CPSF3: variants seen among roughly 807,000 people sequenced by gnomAD.
The protein encoded by CPSF3 is cleavage and polyadenylation specific factor 3.
A neutral mutation model predicts 84.1 loss-of-function variants in CPSF3; 57 were observed. That is an observed-to-expected ratio of 0.68 (90% CI 0.55 to 0.85). CPSF3 has a LOEUF of 0.85. CPSF3 is among the 40% of genes least tolerant of loss of function. CPSF3 has a pLI of 0.00. For missense variants in CPSF3, 522 were observed against 838.8 expected (o/e 0.62, Z 4.66); for synonymous variants, 275 against 278.1 (o/e 0.99, Z 0.11).
chr2:9,452,089 G>A (rs867621871), intron 11 of CPSF3, among the ~76,000 whole-genome samples: 26 of 152,250 alleles, frequency 1.7e-4, no homozygotes, highest in Middle Eastern at 3.4e-3. Context: ...AACACTTTGG[G>A]AGGCCGAGGT....
At chr2:9,463,413 T>C (rs999473973) in intron 15 of CPSF3, among the ~76,000 whole-genome samples, 1 of 152,206 alleles carries the variant, frequency 6.6e-6, no homozygotes, top group Non-Finnish European at 1.5e-5. Context: ...CGCAAAGTGC[T>C]GGATTCTGGA....
At chr2:9,439,096 G>C (rs1680880182) in intron 7 of CPSF3, among the ~76,000 whole-genome samples, 1 of 152,142 alleles carries the variant, frequency 6.6e-6, no homozygotes, top group Non-Finnish European at 1.5e-5. Context: ...GGATAAACTA[G>C]AAGACAAAGC....
chr2:9,431,149 T>C (rs536805547), intron 4 of CPSF3, among the ~76,000 whole-genome samples: 7 of 152,198 alleles, frequency 4.6e-5, no homozygotes, highest in Non-Finnish European at 1.0e-4. Flanking sequence ...CTCAGCCACC[T>C]GGGCTCAAGC....
At chr2:9,431,966 G>A (rs1448304347) in intron 4 of CPSF3, among the ~76,000 whole-genome samples, 2 of 152,172 alleles carry the variant, frequency 1.3e-5, no homozygotes, top group Non-Finnish European at 2.9e-5. Flanking sequence ...GCCTAAAATC[G>A]TCACAGTAAG....
intron 11 of CPSF3, among the ~76,000 whole-genome samples, chr2:9,449,695 T>C (rs1681250711): frequency 6.6e-6 from 1 of 152,294 alleles, no homozygotes; most frequent in East Asian, 1.9e-4. Context: ...TGAGCCATTG[T>C]CCTGTCACGG....
chr2:9,436,205 A>C lies in CPSF3; in HGVS notation c.610-6A>C. The C allele has an allele frequency of 6.3e-7, 1 of 1,586,266 alleles. No homozygotes were observed. Among genetic ancestry groups the C allele is most frequent in the Non-Finnish European group, 8.6e-7 (1 of 1,167,892 alleles). The stretch of plus-strand genomic sequence containing the variant: ...CTTAGTCTCACACTTCTAATGTATT[A>C]TTTAGGAATCTACTTATGGGACCCA... On this transcript the variant is annotated splice_region_variant and splice_polypyrimidine_tract_variant and intron_variant, in intron 6 of 17. Coordinates refer to ENST00000238112, the MANE Select transcript of CPSF3 (RefSeq NM_016207.4).
intron 8 of CPSF3, 65 bp from the exon 9 acceptor site, chr2:9,441,753 A>G: frequency 6.7e-7 from 1 of 1,497,598 alleles, no homozygotes. Flanking sequence ...ATTCTTTAAA[A>G]AGAAAGAATG....
At chr2:9,469,050 G>C (rs1682072283) in intron 16 of CPSF3, among the ~76,000 whole-genome samples, 1 of 152,138 alleles carries the variant, frequency 6.6e-6, no homozygotes, top group Non-Finnish European at 1.5e-5. Flanking sequence ...ATTTTAAAGA[G>C]CATTCCTCAT....
chr2:9,456,599 T>C (rs938043273), intron 13 of CPSF3, among the ~76,000 whole-genome samples: 1 of 152,206 alleles, frequency 6.6e-6, no homozygotes, highest in Non-Finnish European at 1.5e-5. Flanking sequence ...TGAAACTAGC[T>C]GGCAACAATT....
intron 16 of CPSF3, among the ~76,000 whole-genome samples, chr2:9,470,868 C>G (rs1682139864): frequency 6.6e-6 from 1 of 152,210 alleles, no homozygotes; most frequent in Non-Finnish European, 1.5e-5. Flanking sequence ...TGTATTTTCC[C>G]TGTTTTATAA....
intron 12 of CPSF3, among the ~76,000 whole-genome samples, chr2:9,453,943 T>C (rs7604174): frequency 0.55 from 83,236 of 152,044 alleles, 23,772 homozygotes; most frequent in Middle Eastern, 0.68. Flanking sequence ...AGTTTGTAAA[T>C]TGCTTTTTTC....
chr2:9,445,723 C>T (rs61332043), intron 10 of CPSF3, among the ~76,000 whole-genome samples: 23,822 of 152,208 alleles, frequency 0.16, 2,118 homozygotes, highest in Middle Eastern at 0.28. Flanking sequence ...CCACCTCATC[C>T]TCAGCCCCAT....
chr2:9,473,051 T>G lies in CPSF3; in HGVS notation c.*34T>G, dbSNP rs749663206. On this transcript the variant is annotated 3_prime_UTR_variant, in exon 18 of 18. Coordinates refer to ENST00000238112, the MANE Select transcript of CPSF3 (RefSeq NM_016207.4). ...CTGTATATGAACTTTGAAAAAATACTTGACTCTACTTTTGTTACCTAAAAT... is the reference window on the plus strand; with the variant it reads ...CTGTATATGAACTTTGAAAAAATACGTGACTCTACTTTTGTTACCTAAAAT... The G allele has an allele frequency of 1.4e-6, 2 of 1,455,716 alleles. No individual in the cohort carries two copies. The highest frequency in any genetic ancestry group is 1.9e-6 in the Non-Finnish European group (2 of 1,043,330). The allele number at this position is 1,455,716 out of a possible 1,614,324, so 90.2% of individuals were successfully genotyped here. A position where few individuals can be genotyped will look rare whatever the true frequency, so the allele number is the denominator to read the frequency against.
At chr2:9,450,166 T>G (rs1681268377) in intron 11 of CPSF3, among the ~76,000 whole-genome samples, 1 of 150,510 alleles carries the variant, frequency 6.6e-6, no homozygotes, top group Non-Finnish European at 1.5e-5. Context: ...TTTTTTTTTT[T>G]TTTTAGAAGG....
chr2:9,466,406 GCGCACACACGCACA>G (rs1681980940), intron 15 of CPSF3, among the ~76,000 whole-genome samples: 1 of 141,770 alleles, frequency 7.1e-6, no homozygotes, highest in Non-Finnish European at 1.5e-5. Flanking sequence ...ACACACGCAC[GCGCACACACGCACA>G]CGCGCACACA....
intron 6 of CPSF3, 149 bp from the exon 7 acceptor site, chr2:9,436,062 C>A: frequency 1.6e-6 from 1 of 637,222 alleles, no homozygotes. Context: ...TTGCTCTTCC[C>A]AATTACTATT....
chr2:9,431,887 G>A (rs1212891077), intron 4 of CPSF3, among the ~76,000 whole-genome samples: 1 of 152,068 alleles, frequency 6.6e-6, no homozygotes, highest in Non-Finnish European at 1.5e-5. Context: ...ACCAACTCAT[G>A]ATGTAGGTTC....
intron 3 of CPSF3, 138 bp from the exon 4 acceptor site, chr2:9,430,614 C>A: frequency 1.4e-6 from 1 of 701,544 alleles, no homozygotes; most frequent in South Asian, 2.1e-5. Flanking sequence ...TCTACACATA[C>A]CTACTCTTGG....
intron 15 of CPSF3, among the ~76,000 whole-genome samples, chr2:9,466,172 C>G (rs1357647909): frequency 7.2e-6 from 1 of 138,314 alleles, no homozygotes; most frequent in Non-Finnish European, 1.6e-5. Flanking sequence ...AAAACCCTGT[C>G]TCTACACGCA....
Sources: gnomAD v4.1 joint callset for allele counts (sites outside exome capture counted in the v4.1 genomes callset) on GRCh38, gnomAD v4.1.1 for gene constraint, MANE v1.5 for transcripts, NCBI Gene and HGNC (gene_info 2026-07-23, HGNC 2026-07-21) for gene names.